Variants in EXOC6 observed in about 807,000 individuals in gnomAD.
EXOC6 encodes SEC15-like 1.
EXOC6 carries 60 observed loss-of-function variants against 112.5 expected under a neutral mutation model. That is an observed-to-expected ratio of 0.53 (90% CI 0.43 to 0.66). The LOEUF (loss-of-function observed/expected upper bound fraction) is 0.66, where lower values mean the gene tolerates loss of function less well. Among genes scored for constraint, EXOC6 ranks in the 30% least tolerant of loss-of-function variants. The pLI is 0.00. For synonymous variants in EXOC6, 295 were observed against 308.0 expected, an observed-to-expected ratio of 0.96 and a Z score of 0.44; for missense variants, 855 against 957.1, an observed-to-expected ratio of 0.89 and a Z score of 1.41.
At chr10:93,048,055 C>A (rs1250250117) in intron 20 of EXOC6, among the ~76,000 whole-genome samples, 9 of 152,132 alleles carry the variant, frequency 5.9e-5, no homozygotes, top group Non-Finnish European at 1.3e-4. Context: ...TCATGTATGA[C>A]CTACATGAAG....
chr10:93,024,925 C>T (rs1040825335), intron 20 of EXOC6, among the ~76,000 whole-genome samples: 3 of 151,978 alleles, frequency 2.0e-5, no homozygotes, highest in African/African-American at 7.3e-5. Flanking sequence ...TCCTGGAAAG[C>T]CCGACCGCAG....
upstream of EXOC6, among the ~76,000 whole-genome samples, chr10:92,848,279 G>A (rs974410750): frequency 3.9e-5 from 6 of 152,122 alleles, no homozygotes; most frequent in Non-Finnish European, 5.9e-5. Context: ...GGAGGGACTA[G>A]TCGCGAGAGA....
Position 92,934,394 on chromosome 10 carries a change from C to A in EXOC6, c.1104C>A (p.Ala368=). The A allele has an allele frequency of 6.3e-7, 1 of 1,599,972 alleles. No individual in the cohort carries two copies. The highest frequency in any genetic ancestry group is 2.3e-5 in the East Asian group (1 of 44,184). ...ACACTGATGAACTTTGGAACATGGC[C>A]CTCTCAAAGATAATTGCTGTCCTTA... is the stretch of plus-strand genomic sequence containing the variant. ...RAYTDELWNM[A]LSKIIAVLRA... The change falls in exon 11 of 22, where the codon GCC becomes GCA. Residue 368 remains alanine (A), a synonymous_variant. Coordinates refer to ENST00000260762, the MANE Select transcript of EXOC6 (RefSeq NM_019053.6).
intron 18 of EXOC6, among the ~76,000 whole-genome samples, chr10:92,976,179 A>G (rs1842593707): frequency 6.6e-6 from 1 of 152,086 alleles, no homozygotes; most frequent in Non-Finnish European, 1.5e-5. Flanking sequence ...GGTGTGCCCA[A>G]CAGCTCATTG....
intron 17 of EXOC6, among the ~76,000 whole-genome samples, chr10:92,969,107 T>A (rs1029411998): frequency 2.0e-5 from 3 of 152,170 alleles, no homozygotes; most frequent in Non-Finnish European, 4.4e-5. Context: ...TTTGAGACTT[T>A]AGACTTCTGA....
rs1845598390 is a variant in EXOC6, at chr10:93,038,067, T to TA, written c.2170-18857_2170-18856insA. ...AAAAAAAAAAAAAAAAAAAAAAAAA[T>TA]TTTTCTCTAATAAATTTTTTTTGTT... is the stretch of plus-strand genomic sequence containing the variant. On this transcript the variant is annotated intron_variant, in intron 20 of 21. Coordinates refer to ENST00000260762, the MANE Select transcript of EXOC6 (RefSeq NM_019053.6). Among the ~76,000 whole-genome samples the TA allele has an allele frequency of 1.5e-5, 2 of 136,602 alleles. 1 individual carries two copies. Among genetic ancestry groups the TA allele is most frequent in the African/African-American group, 5.5e-5 (2 of 36,310 alleles). The allele number at this position is 136,602 out of a possible 152,430, so 89.6% of individuals were successfully genotyped here.
At chr10:93,000,280 G>C (rs1843699994) in intron 19 of EXOC6, among the ~76,000 whole-genome samples, 2 of 152,132 alleles carry the variant, frequency 1.3e-5, no homozygotes, top group African/African-American at 4.8e-5. Context: ...GACAAGTTCA[G>C]TTGTCTAAAT....
chr10:92,863,083 T>C (rs1002040845), intron 1 of EXOC6, among the ~76,000 whole-genome samples: 2 of 152,236 alleles, frequency 1.3e-5, no homozygotes, highest in Non-Finnish European at 2.9e-5. Flanking sequence ...GATGATGGAC[T>C]TTAACAGCTA....
rs181868883 is a variant in EXOC6, at chr10:92,896,387, G to A, written c.412+1367G>A. Among the ~76,000 whole-genome samples the A allele has an allele frequency of 3.4e-5, 5 of 148,734 alleles. No homozygotes were observed. In the East Asian group the frequency reaches 9.9e-4, roughly 30 times the overall value. ...AATTTTTGTATTTACAGTAGAGGTG[G>A]GGTTTCACTATTTTGGCCAGGCTGG... is the stretch of plus-strand genomic sequence containing the variant. On this transcript the variant is annotated intron_variant, in intron 4 of 21. Coordinates refer to ENST00000260762, the MANE Select transcript of EXOC6 (RefSeq NM_019053.6).
At chr10:93,025,427 T>A (rs181440394) in intron 20 of EXOC6, among the ~76,000 whole-genome samples, 12 of 152,336 alleles carry the variant, frequency 7.9e-5, no homozygotes, top group Admixed American at 2.6e-4. Flanking sequence ...CATTTTTAAA[T>A]TTTGGGACAT....
In EXOC6 at chr10:92,980,170, G is replaced by C. The variant is rs550389054; in HGVS notation, c.1953+5938G>C. 2.6e-5 allele frequency among the ~76,000 whole-genome samples: 4 copies of C among 152,306 alleles called. No individual in the cohort carries two copies. The South Asian group carries it at 8.3e-4, about 32-fold the overall frequency. On this transcript the variant is annotated intron_variant, in intron 18 of 21. Transcript: ENST00000260762. Reference sequence around the variant, plus strand: ...TCTTTTATTGTTTCTAGAGGTCTGAGTGCTTGAGGATGTGCATAGATGGGC... The same window carrying C: ...TCTTTTATTGTTTCTAGAGGTCTGACTGCTTGAGGATGTGCATAGATGGGC...
chr10:92,910,659 G>C (rs531895518), intron 6 of EXOC6, among the ~76,000 whole-genome samples: 1 of 152,224 alleles, frequency 6.6e-6, no homozygotes, highest in African/African-American at 2.4e-5. Flanking sequence ...GGCCGGGCGG[G>C]GTGGCTCACA....
intron 1 of EXOC6, among the ~76,000 whole-genome samples, chr10:92,865,836 C>T (rs1848148371): frequency 6.6e-6 from 1 of 152,012 alleles, no homozygotes; most frequent in Admixed American, 6.5e-5. Context: ...TTATTATCTA[C>T]TGTATTCTTA....
At chr10:92,975,544 C>G (rs1842514499) in intron 18 of EXOC6, among the ~76,000 whole-genome samples, 1 of 147,798 alleles carries the variant, frequency 6.8e-6, no homozygotes, top group Non-Finnish European at 1.5e-5. Flanking sequence ...AGCCCCCCAG[C>G]CGCCCCGTCC....
At chr10:92,875,261 CCCT>C (rs995768298) in intron 1 of EXOC6, among the ~76,000 whole-genome samples, 3 of 152,060 alleles carry the variant, frequency 2.0e-5, no homozygotes, top group African/African-American at 7.2e-5. Flanking sequence ...TAATTGAATA[CCCT>C]CCTCCTCCTT....
chr10:93,028,122 C>T (rs533421775), intron 20 of EXOC6, among the ~76,000 whole-genome samples: 24 of 152,040 alleles, frequency 1.6e-4, no homozygotes, highest in Non-Finnish European at 2.5e-4. Flanking sequence ...CATAAGGAGA[C>T]GCTGTCATAT....
chr10:92,987,832 C>T (rs1446944208), intron 18 of EXOC6, among the ~76,000 whole-genome samples: 1 of 151,982 alleles, frequency 6.6e-6, no homozygotes, highest in African/African-American at 2.4e-5. Flanking sequence ...TCAAGATTCT[C>T]TGAGACTAGA....
chr10:92,999,627 A>G (rs1268430510), intron 19 of EXOC6, among the ~76,000 whole-genome samples: 2 of 151,948 alleles, frequency 1.3e-5, no homozygotes, highest in East Asian at 3.9e-4. Context: ...AGATAACCAC[A>G]TTTACATAAC....
At chr10:93,053,089 G>T (rs1391403845) in intron 20 of EXOC6, among the ~76,000 whole-genome samples, 2 of 152,196 alleles carry the variant, frequency 1.3e-5, no homozygotes, top group Non-Finnish European at 2.9e-5. Context: ...CCAATTGTGA[G>T]AGGCAGTCCG....
Sources: allele counts gnomAD v4.1 joint callset (sites outside exome capture counted in the v4.1 genomes callset), GRCh38; gene constraint gnomAD v4.1.1; transcripts MANE v1.5; gene names NCBI Gene and HGNC (gene_info 2026-07-23, HGNC 2026-07-21).